The following NFIB variants were observed in gnomAD, a reference collection of about 807,000 sequenced individuals.
The protein encoded by NFIB is nuclear factor I B.
A neutral mutation model predicts 61.5 loss-of-function variants in NFIB; 11 were observed. The ratio of observed to expected loss-of-function variants is 0.18; its 90% CI spans 0.11 to 0.30. NFIB has a LOEUF of 0.30. Among genes scored for constraint, NFIB ranks in the 10% least tolerant of loss-of-function variants. The pLI, the probability that NFIB is intolerant of heterozygous loss-of-function variation, is 1.00. For synonymous variants in NFIB, 260 were observed against 216.5 expected (o/e 1.20, Z -1.76); for missense variants, 471 against 608.9 (o/e 0.77, Z 2.38).
chr9:14,264,567 A>C (rs116616587), intron 2 of NFIB, among the ~76,000 whole-genome samples: 1 of 152,168 alleles, frequency 6.6e-6, no homozygotes, highest in African/African-American at 2.4e-5. Flanking sequence ...ATTTTTATCT[A>C]TCTGAGGATT....
chr9:14,169,953 A>T (rs2045381253), intron 3 of NFIB, among the ~76,000 whole-genome samples: 1 of 152,240 alleles, frequency 6.6e-6, no homozygotes, highest in South Asian at 2.1e-4. Flanking sequence ...AGATCTTTAA[A>T]TCACATCCTT....
chr9:14,526,566 G>A, the NFIB span, among the ~76,000 whole-genome samples: 1 of 152,252 alleles, frequency 6.6e-6, no homozygotes, highest in South Asian at 2.1e-4. Flanking sequence ...CGCAACAGGG[G>A]AATGTAATTC....
intron 2 of NFIB, among the ~76,000 whole-genome samples, chr9:14,288,958 C>T (rs1262012901): frequency 1.3e-5 from 2 of 151,664 alleles, no homozygotes; most frequent in African/African-American, 2.4e-5. Context: ...CAAATGCCTA[C>T]TTCTTTGACT....
intron 4 of NFIB, among the ~76,000 whole-genome samples, chr9:14,150,630 C>G (rs1393804887): frequency 6.6e-6 from 1 of 152,074 alleles, no homozygotes; most frequent in Non-Finnish European, 1.5e-5. Flanking sequence ...CAACACCAAA[C>G]AAGCTGCTTT....
the NFIB span, among the ~76,000 whole-genome samples, chr9:14,436,123 T>A: frequency 6.6e-6 from 1 of 152,228 alleles, no homozygotes; most frequent in East Asian, 1.9e-4. Flanking sequence ...TCATGAACTC[T>A]GCTCATTGCT....
intron 2 of NFIB, among the ~76,000 whole-genome samples, chr9:14,207,858 C>A (rs1314837550): frequency 6.6e-6 from 1 of 152,038 alleles, no homozygotes; most frequent in Non-Finnish European, 1.5e-5. Flanking sequence ...ACCTGAAAGA[C>A]AGATCCACCA....
intron 2 of NFIB, among the ~76,000 whole-genome samples, chr9:14,306,413 T>C (rs1391171260): frequency 6.6e-6 from 1 of 152,228 alleles, no homozygotes; most frequent in Non-Finnish European, 1.5e-5. Context: ...GATAGAAATA[T>C]TAAAATTAAG....
intron 6 of NFIB, among the ~76,000 whole-genome samples, chr9:14,130,439 T>C (rs1398900003): frequency 1.3e-5 from 2 of 152,342 alleles, no homozygotes; most frequent in East Asian, 1.9e-4. Flanking sequence ...TTTTATCCAC[T>C]GAACAAACTT....
chr9:14,368,373 C>T (rs2061325283), intron 1 of NFIB, among the ~76,000 whole-genome samples: 1 of 152,154 alleles, frequency 6.6e-6, no homozygotes, highest in Non-Finnish European at 1.5e-5. Flanking sequence ...AAAAATTACT[C>T]CTGAAATGCT....
intron 3 of NFIB, among the ~76,000 whole-genome samples, chr9:14,174,584 G>A (rs2045937983): frequency 6.6e-6 from 1 of 151,924 alleles, no homozygotes; most frequent in African/African-American, 2.4e-5. Context: ...TGGCCAACAT[G>A]GTGAAACCCC....
intron 10 of NFIB, among the ~76,000 whole-genome samples, chr9:14,108,671 C>T (rs2036912636): frequency 6.6e-6 from 1 of 151,966 alleles, no homozygotes; most frequent in Non-Finnish European, 1.5e-5. Flanking sequence ...CTGAATTGAT[C>T]AGGCCACTGA....
chr9:14,416,185 A>G, the NFIB span, among the ~76,000 whole-genome samples: 1 of 152,332 alleles, frequency 6.6e-6, no homozygotes, highest in South Asian at 2.1e-4. Flanking sequence ...GTCAAACCAC[A>G]TATACCATAA....
At chr9:14,483,616 C>G in the NFIB span, among the ~76,000 whole-genome samples, 1 of 152,110 alleles carries the variant, frequency 6.6e-6, no homozygotes, top group Non-Finnish European at 1.5e-5. Context: ...ACGAGAGTAC[C>G]TGCCTGCCAG....
intron 6 of NFIB, among the ~76,000 whole-genome samples, chr9:14,135,518 G>C (rs2130988956): frequency 6.6e-6 from 1 of 152,218 alleles, no homozygotes; most frequent in Middle Eastern, 3.4e-3. Flanking sequence ...TGATTGTGTG[G>C]CAAATGTGAA....
At chr9:14,214,912 C>T (rs983729847) in intron 2 of NFIB, among the ~76,000 whole-genome samples, 4 of 152,152 alleles carry the variant, frequency 2.6e-5, no homozygotes, top group Non-Finnish European at 4.4e-5. Flanking sequence ...TCATAAAGTA[C>T]GTGTATACAC....
the NFIB span, among the ~76,000 whole-genome samples, chr9:14,512,882 T>C: frequency 1.3e-5 from 2 of 151,904 alleles, no homozygotes; most frequent in South Asian, 4.2e-4. Context: ...ATGGAAATTA[T>C]TTGAAACTTC....
intron 10 of NFIB, among the ~76,000 whole-genome samples, chr9:14,097,556 T>G (rs1283978726): frequency 6.6e-6 from 1 of 152,162 alleles, no homozygotes; most frequent in Non-Finnish European, 1.5e-5. Flanking sequence ...TAACTCTTTA[T>G]ATTACCTAAG....
At chr9:14,481,700 T>G in the NFIB span, among the ~76,000 whole-genome samples, 1 of 152,098 alleles carries the variant, frequency 6.6e-6, no homozygotes, top group African/African-American at 2.4e-5. Context: ...TCACTAGTTC[T>G]CTCCGGATAT....
the NFIB span, among the ~76,000 whole-genome samples, chr9:14,525,818 A>T: frequency 6.6e-6 from 1 of 152,124 alleles, no homozygotes; most frequent in South Asian, 2.1e-4. Context: ...CCCATAGGAA[A>T]TGTTATGGTT....
Sources: allele counts gnomAD v4.1 joint callset (sites outside exome capture counted in the v4.1 genomes callset), GRCh38; gene constraint gnomAD v4.1.1; transcripts MANE v1.5; gene names NCBI Gene and HGNC (gene_info 2026-07-23, HGNC 2026-07-21).